EYA2: variants seen among roughly 807,000 people sequenced by gnomAD.
The protein encoded by EYA2 is protein phosphatase EYA2.
Under a neutral mutation model 69.2 loss-of-function variants are expected in EYA2, and 31 were observed. The ratio of observed to expected loss-of-function variants is 0.45; its 90% confidence interval spans 0.34 to 0.60. The LOEUF (loss-of-function observed/expected upper bound fraction) is 0.60, where lower values mean the gene tolerates loss of function less well. Ranked by LOEUF, EYA2 falls within the 20% of genes least tolerant of loss-of-function variation. The probability of loss-of-function intolerance (pLI) is 0.02; values close to 1 mark genes in which losing one functional copy is unlikely to be tolerated. For synonymous variants in EYA2, 257 were observed against 279.4 expected, an observed-to-expected ratio of 0.92 and a Z score of 0.80; for missense variants, 622 against 701.2, an observed-to-expected ratio of 0.89 and a Z score of 1.28.
At chr20:47,150,058 G>A (rs533017707) in intron 10 of EYA2, among the ~76,000 whole-genome samples, 2 of 152,294 alleles carry the variant, frequency 1.3e-5, no homozygotes, top group African/African-American at 4.8e-5. Context: ...GGCATGGTGA[G>A]GGCAGTAGTA....
chr20:47,060,999 C>T (rs923764734), intron 5 of EYA2, among the ~76,000 whole-genome samples: 4 of 151,816 alleles, frequency 2.6e-5, no homozygotes, highest in African/African-American at 9.7e-5. Flanking sequence ...GGGATTACAG[C>T]GCCTGCCACC....
At chr20:47,100,952 G>A (rs1321922518) in intron 9 of EYA2, among the ~76,000 whole-genome samples, 2 of 152,236 alleles carry the variant, frequency 1.3e-5, no homozygotes, top group African/African-American at 4.8e-5. Context: ...ATTTTTTGGA[G>A]TGTCACCAGC....
intron 8 of EYA2, among the ~76,000 whole-genome samples, chr20:47,094,724 C>G (rs1185314790): frequency 6.6e-6 from 1 of 152,114 alleles, no homozygotes; most frequent in Non-Finnish European, 1.5e-5. Flanking sequence ...TAAAGAAAAT[C>G]AACAGTATGA....
chr20:46,914,290 G>A (rs1386734845), intron 1 of EYA2, among the ~76,000 whole-genome samples: 1 of 152,172 alleles, frequency 6.6e-6, no homozygotes, highest in Non-Finnish European at 1.5e-5. Flanking sequence ...TGGCATAAAG[G>A]CTTTGATTTT....
intron 5 of EYA2, among the ~76,000 whole-genome samples, chr20:47,062,919 G>T (rs2030950065): frequency 1.3e-5 from 2 of 152,180 alleles, no homozygotes; most frequent in South Asian, 2.1e-4. Flanking sequence ...GGTGTAGGGT[G>T]CCCAGGAGTG....
At chr20:47,018,463 C>G (rs777617312) in intron 5 of EYA2, among the ~76,000 whole-genome samples, 3 of 152,202 alleles carry the variant, frequency 2.0e-5, no homozygotes, top group Non-Finnish European at 2.9e-5. Flanking sequence ...TTTGATAAAG[C>G]CTGTGACAGA....
intron 9 of EYA2, 68 bp from the exon 10 acceptor site, chr20:47,142,991 G>A: frequency 1.4e-6 from 2 of 1,469,134 alleles, no homozygotes; most frequent in Non-Finnish European, 1.9e-6. Context: ...AGTGGAATGG[G>A]ACCAAAAGGG....
chr20:47,170,758 C>A (rs2034302392), intron 11 of EYA2, among the ~76,000 whole-genome samples: 1 of 152,142 alleles, frequency 6.6e-6, no homozygotes, highest in African/African-American at 2.4e-5. Flanking sequence ...CTGTGCTCAT[C>A]CAAAATTACC....
intron 9 of EYA2, among the ~76,000 whole-genome samples, chr20:47,133,458 A>G (rs2033390050): frequency 1.3e-5 from 2 of 152,198 alleles, no homozygotes; most frequent in Non-Finnish European, 2.9e-5. Context: ...TCTCAGAGAG[A>G]TTGGGTATCT....
chr20:46,924,929 C>G (rs555363667), intron 1 of EYA2, among the ~76,000 whole-genome samples: 1 of 152,144 alleles, frequency 6.6e-6, no homozygotes, highest in Admixed American at 6.5e-5. Flanking sequence ...TTACTCTCTC[C>G]GGAGGTGGAA....
chr20:46,932,728 C>CA lies in EYA2; in HGVS notation c.-11+37749dup, dbSNP rs558588814. Among the ~76,000 whole-genome samples the CA allele has an allele frequency of 6.6e-5, 10 of 151,900 alleles. No homozygotes were observed. In the South Asian group the frequency reaches 2.1e-3, roughly 32 times the overall value. The stretch of plus-strand genomic sequence containing the variant: ...CGAAACCCTGTCTCTAGTAAAAATA[C>CA]AAAAAAAATCAGCCAGGCGTGGTGG... On this transcript the variant is annotated intron_variant, in intron 1 of 15. Coordinates refer to ENST00000327619, the MANE Select transcript of EYA2 (RefSeq NM_005244.5).
At chr20:47,151,473 A>G (rs2033821899) in intron 10 of EYA2, among the ~76,000 whole-genome samples, 1 of 151,660 alleles carries the variant, frequency 6.6e-6, no homozygotes, top group Non-Finnish European at 1.5e-5. Flanking sequence ...CTCCAGATCC[A>G]ATGGTCTTTT....
intron 1 of EYA2, 81 bp from the exon 2 acceptor site, chr20:46,989,920 A>G (rs1981541221): frequency 2.8e-6 from 2 of 719,096 alleles, no homozygotes; most frequent in Non-Finnish European, 5.1e-6. Flanking sequence ...TAATATTTAT[A>G]CTCTTAGGGA....
intron 2 of EYA2, among the ~76,000 whole-genome samples, chr20:46,997,202 T>C (rs1982082623): frequency 1.3e-5 from 2 of 152,006 alleles, no homozygotes. Flanking sequence ...CCCAGAGAAC[T>C]CACTAACGTG....
At chr20:47,003,227 T>C (rs1982488693) in intron 3 of EYA2, among the ~76,000 whole-genome samples, 4 of 152,212 alleles carry the variant, frequency 2.6e-5, no homozygotes, top group African/African-American at 9.7e-5. Context: ...TTATTAAGTC[T>C]CTCTCTGCCT....
Position 47,106,221 on chromosome 20 carries a change from G to A in EYA2, c.888+9053G>A, listed in dbSNP as rs183013165. The stretch of plus-strand genomic sequence containing the variant: ...TTTTTCCTCTTGCCTCAGGCCCTGT[G>A]GCTTGGCCTGGAATGGCAAGCACCA... On this transcript the variant is annotated intron_variant, in intron 9 of 15. Transcript: ENST00000327619. 8.5e-5 allele frequency among the ~76,000 whole-genome samples: 13 copies of A among 152,144 alleles called. No homozygotes were observed. In the East Asian group the frequency reaches 2.5e-3, roughly 30 times the overall value.
At chr20:47,066,953 C>A (rs180972115) in intron 5 of EYA2, among the ~76,000 whole-genome samples, 8 of 152,254 alleles carry the variant, frequency 5.3e-5, no homozygotes, top group Admixed American at 5.2e-4. Context: ...CAACTTGTGG[C>A]ACAAGACTTC....
At chr20:47,030,115 G>T (rs1166601158) in intron 5 of EYA2, among the ~76,000 whole-genome samples, 1 of 152,216 alleles carries the variant, frequency 6.6e-6, no homozygotes, top group African/African-American at 2.4e-5. Flanking sequence ...GGTTGGATTT[G>T]GCTGAGCTCT....
intron 10 of EYA2, among the ~76,000 whole-genome samples, chr20:47,148,324 C>T (rs1375157861): frequency 1.3e-5 from 2 of 152,246 alleles, no homozygotes; most frequent in African/African-American, 2.4e-5. Context: ...TATGTGAAAG[C>T]AGTCAGCACA....
Sources: gnomAD v4.1 joint callset for allele counts (sites outside exome capture counted in the v4.1 genomes callset) on GRCh38, gnomAD v4.1.1 for gene constraint, MANE v1.5 for transcripts, NCBI Gene and HGNC (gene_info 2026-07-23, HGNC 2026-07-21) for gene names.